Variants in CDK6 observed in about 807,000 individuals in gnomAD.
The protein encoded by CDK6 is cyclin dependent kinase 6, also known as cyclin-dependent kinase 6.
In CDK6, 6 loss-of-function variants were observed where a neutral mutation model predicts 37.1. The ratio of observed to expected loss-of-function variants is 0.16; its 90% CI spans 0.09 to 0.32. The LOEUF (loss-of-function observed/expected upper bound fraction) is 0.32. Ranked by LOEUF, CDK6 falls within the 10% of genes least tolerant of loss-of-function variation. The pLI, the probability that CDK6 is intolerant of heterozygous loss-of-function variation, is 1.00. For missense variants in CDK6, 224 were observed against 418.9 expected, an observed-to-expected ratio of 0.53 and a Z score of 4.06; for synonymous variants, 160 against 161.3, an observed-to-expected ratio of 0.99 and a Z score of 0.06.
At chr7:92,737,403 T>C (rs1177899192) in intron 3 of CDK6, among the ~76,000 whole-genome samples, 2 of 152,346 alleles carry the variant, frequency 1.3e-5, no homozygotes, top group African/African-American at 2.4e-5. Flanking sequence ...TTATTATTCA[T>C]TGAATGTATT....
chr7:92,628,904 C>T (rs1481813020), intron 5 of CDK6, among the ~76,000 whole-genome samples: 1 of 152,052 alleles, frequency 6.6e-6, no homozygotes, highest in Non-Finnish European at 1.5e-5. Flanking sequence ...GTGCTTGCTT[C>T]AGCCAGGTAT....
chr7:92,714,379 T>A (rs1012942781), intron 4 of CDK6, among the ~76,000 whole-genome samples: 1 of 152,088 alleles, frequency 6.6e-6, no homozygotes, highest in African/African-American at 2.4e-5. Flanking sequence ...ATAGGGTGTG[T>A]GGAGATGGGT....
chr7:92,778,790 T>TTTCTGAATGTTTTCA (rs1490093422), intron 2 of CDK6, among the ~76,000 whole-genome samples: 1 of 151,912 alleles, frequency 6.6e-6, no homozygotes, highest in Non-Finnish European at 1.5e-5. Flanking sequence ...ATTTCAGTTG[T>TTTCTGAATGTTTTCA]GTTTCTGAAA....
At chr7:92,820,229 C>A (rs932956224) in intron 2 of CDK6, among the ~76,000 whole-genome samples, 1 of 152,032 alleles carries the variant, frequency 6.6e-6, no homozygotes, top group Non-Finnish European at 1.5e-5. Context: ...ATATTTTAAA[C>A]AAGTGATGCA....
chr7:92,700,505 T>G (rs1208955350), intron 4 of CDK6, among the ~76,000 whole-genome samples: 1 of 152,214 alleles, frequency 6.6e-6, no homozygotes, highest in African/African-American at 2.4e-5. Context: ...GTTTCTGGCC[T>G]GGGTGGCCAG....
chr7:92,687,381 G>A (rs1339553973), intron 4 of CDK6, among the ~76,000 whole-genome samples: 3 of 152,138 alleles, frequency 2.0e-5, no homozygotes, highest in Admixed American at 6.6e-5. Context: ...ATGACTATTT[G>A]TTAAATGTAT....
At chr7:92,650,954 A>G (rs886626841) in intron 5 of CDK6, among the ~76,000 whole-genome samples, 1 of 151,522 alleles carries the variant, frequency 6.6e-6, no homozygotes, top group East Asian at 1.9e-4. Flanking sequence ...CAATGGTGCA[A>G]TCTCGGCTCA....
chr7:92,742,354 A>G (rs1262487334), intron 3 of CDK6, among the ~76,000 whole-genome samples: 2 of 152,262 alleles, frequency 1.3e-5, no homozygotes, highest in Non-Finnish European at 1.5e-5. Context: ...GCACCTTTCA[A>G]AAATGTTTTC....
At chr7:92,772,887 A>G (rs927369211) in intron 3 of CDK6, among the ~76,000 whole-genome samples, 1 of 152,164 alleles carries the variant, frequency 6.6e-6, no homozygotes, top group Admixed American at 6.5e-5. Flanking sequence ...ATAATGCTCA[A>G]AAGATCTATG....
chr7:92,774,319 CA>C (rs1322795047), intron 3 of CDK6, among the ~76,000 whole-genome samples: 1 of 152,162 alleles, frequency 6.6e-6, no homozygotes, highest in East Asian at 1.9e-4. Context: ...GAATAATGTT[CA>C]AATTATGTCT....
chr7:92,711,416 C>T (rs945593139), intron 4 of CDK6, among the ~76,000 whole-genome samples: 9 of 152,046 alleles, frequency 5.9e-5, no homozygotes, highest in African/African-American at 1.9e-4. Flanking sequence ...CATGCACACC[C>T]ATACTGAGGG....
At chr7:92,759,708 A>G (rs905790082) in intron 3 of CDK6, among the ~76,000 whole-genome samples, 2 of 151,538 alleles carry the variant, frequency 1.3e-5, no homozygotes, top group Non-Finnish European at 2.9e-5. Context: ...AAAAAAAAAA[A>G]AAAAAAAAGA....
At chr7:92,803,134 CA>C (rs1800627288) in intron 2 of CDK6, among the ~76,000 whole-genome samples, 1 of 152,174 alleles carries the variant, frequency 6.6e-6, no homozygotes, top group African/African-American at 2.4e-5. Context: ...ATTTCAATGA[CA>C]TTTTTAAAGA....
At chr7:92,631,747 C>A (rs1193569943) in intron 5 of CDK6, among the ~76,000 whole-genome samples, 1 of 152,090 alleles carries the variant, frequency 6.6e-6, no homozygotes, top group Non-Finnish European at 1.5e-5. Flanking sequence ...GAGATTTCAT[C>A]CAGTCTGGTT....
intron 4 of CDK6, among the ~76,000 whole-genome samples, chr7:92,711,583 T>A (rs1443580229): frequency 1.9e-5 from 2 of 103,292 alleles, no homozygotes; most frequent in South Asian, 3.6e-4. Flanking sequence ...TTTTTTTTTT[T>A]AAGATAGAGT....
intron 5 of CDK6, among the ~76,000 whole-genome samples, chr7:92,641,914 A>G (rs1244877194): frequency 6.6e-6 from 1 of 152,234 alleles, no homozygotes; most frequent in East Asian, 1.9e-4. Flanking sequence ...ATTCTGTTCG[A>G]TTAATTAATG....
In CDK6 at chr7:92,615,253, A is replaced by G; in HGVS notation, c.868T>C (p.Ser290Pro). The G allele has an allele frequency of 6.2e-7, 1 of 1,614,132 alleles. No homozygotes were observed. Among genetic ancestry groups the G allele is most frequent in the Non-Finnish European group, 8.5e-7 (1 of 1,179,976 alleles). The change falls in exon 8 of 8, where the codon TCT becomes CCT. Residue 290 changes from serine (S) to proline (P), a missense_variant. Physicochemically the swap from Ser to Pro is moderately conservative, Grantham distance 74. Coordinates refer to ENST00000424848, the MANE Select transcript of CDK6 (RefSeq NM_001145306.2). ...GGGTGAGACAGGGCACTGTAGGCAG[A>G]TATTCTTTTGGCTGGGTTAAATGTC... ...CLTFNPAKRISAYSALSHPYF... is the reference protein window; with the variant it reads ...CLTFNPAKRIPAYSALSHPYF...
At chr7:92,735,529 G>T (rs1302437957) in intron 3 of CDK6, among the ~76,000 whole-genome samples, 3 of 152,162 alleles carry the variant, frequency 2.0e-5, no homozygotes, top group Non-Finnish European at 4.4e-5. Context: ...TAGAACTGTG[G>T]AGAGAACCTA....
At chr7:92,664,290 C>T (rs1024570061) in intron 5 of CDK6, among the ~76,000 whole-genome samples, 25 of 152,100 alleles carry the variant, frequency 1.6e-4, no homozygotes, top group Admixed American at 9.2e-4. Context: ...GCACGTGTTT[C>T]GACCTAACCT....
Sources: allele counts gnomAD v4.1 joint callset (sites outside exome capture counted in the v4.1 genomes callset), GRCh38; gene constraint gnomAD v4.1.1; transcripts MANE v1.5; gene names NCBI Gene and HGNC (gene_info 2026-07-23, HGNC 2026-07-21).